TAGLN2: variants seen among roughly 807,000 people sequenced by gnomAD.
TAGLN2 encodes transgelin 2.
TAGLN2 carries 14 observed loss-of-function variants against 24.9 expected under a neutral mutation model. The observed-to-expected ratio is 0.56, with a 90% confidence interval of 0.37 to 0.88. The LOEUF is 0.88. Among genes scored for constraint, TAGLN2 ranks in the 40% least tolerant of loss-of-function variants. The pLI is 0.00. For synonymous variants in TAGLN2, 77 were observed against 98.2 expected (o/e 0.78, Z 1.28); for missense variants, 208 against 258.9 (o/e 0.80, Z 1.35).
At chr1:159,919,420 G>C (rs1650450513) in intron 3 of TAGLN2, 44 bp from the exon 4 acceptor site, 2 of 1,591,254 alleles carry the variant, frequency 1.3e-6, no homozygotes, top group African/African-American at 1.3e-5. Flanking sequence ...CAGTGTCCTA[G>C]ATACCAGGGT....
At chr1:159,918,967 G>A (rs766808289) in intron 4 of TAGLN2, 26 bp from the exon 5 acceptor site, 2 of 1,613,442 alleles carry the variant, frequency 1.2e-6, no homozygotes, top group Non-Finnish European at 1.7e-6. Context: ...GTGGTGGTTA[G>A]AGGAGATCAC....
intron 1 of TAGLN2, among the ~76,000 whole-genome samples, chr1:159,922,091 G>A (rs987596307): frequency 6.6e-6 from 1 of 152,168 alleles, no homozygotes; most frequent in African/African-American, 2.4e-5. Context: ...AGTCACTCCA[G>A]CTCCCCCTCT....
intron 1 of TAGLN2, 178 bp from the exon 2 acceptor site, chr1:159,920,715 T>C (rs1650503166): frequency 3.6e-6 from 3 of 841,278 alleles, no homozygotes; most frequent in African/African-American, 3.7e-5. Context: ...AAGAGAATGA[T>C]TTGGGGAGAG....
intron 2 of TAGLN2, 116 bp from the exon 3 acceptor site, chr1:159,919,951 G>A: frequency 4.3e-6 from 5 of 1,157,176 alleles, no homozygotes. Context: ...CTTGCCTGAA[G>A]ACAGCTTGGA....
In TAGLN2 at chr1:159,918,797, G is replaced by C; in HGVS notation, c.*3C>G. On this transcript the variant is annotated 3_prime_UTR_variant, in exon 5 of 5. Transcript: ENST00000368097. ...GAGGGCAGGGGCAAGGCCTGGGGTG[G>C]GATCAGAGGATCTGGCGTGGCATCC... 2 of 1,613,870 alleles carry C rather than the reference G, an allele frequency of 1.2e-6. No homozygotes were observed. The highest frequency in any genetic ancestry group is 1.7e-6 in the Non-Finnish European group (2 of 1,179,826).
At chr1:159,922,919 G>A (rs1209213513) in intron 1 of TAGLN2, among the ~76,000 whole-genome samples, 2 of 152,250 alleles carry the variant, frequency 1.3e-5, no homozygotes, top group Non-Finnish European at 2.9e-5. Context: ...CAGCTGGCAG[G>A]GTCACGGCCT....
chr1:159,919,145 G>C (rs1464433145), intron 4 of TAGLN2, 129 bp downstream of exon 4: 2 of 1,234,762 alleles, frequency 1.6e-6, no homozygotes, highest in African/African-American at 3.0e-5. Context: ...AGGATTAAGT[G>C]AGATGAGGAA....
chr1:159,920,379 C>T lies in TAGLN2; in HGVS notation c.131G>A (p.Arg44Gln), dbSNP rs141843460. The T allele has an allele frequency of 5.0e-6, 8 of 1,614,088 alleles. No homozygotes were observed. The highest frequency in any genetic ancestry group is 2.2e-5 in the East Asian group (1 of 44,894). The change falls in exon 2 of 5, where the codon CGG becomes CAG. Residue 44 changes from arginine (R) to glutamine (Q), a missense_variant. Physicochemically the swap from Arg to Gln is conservative, Grantham distance 43. Coordinates refer to ENST00000368097, the MANE Select transcript of TAGLN2 (RefSeq NM_003564.3). ...ITTQCRKDVG[R>Q]PQPGRENFQN... ...GAAGTTCTCGCGTCCAGGCTGGGGCCGGCCCACATCCTTTCGGCACTGGGT... is the reference window on the plus strand; with the variant it reads ...GAAGTTCTCGCGTCCAGGCTGGGGCTGGCCCACATCCTTTCGGCACTGGGT...
rs1243998441 is a variant in TAGLN2 at position 159,920,313 on chromosome 1, T to C, written c.180+17A>G. ...TGCTCTCCCTGCACTTCCAAGCCAG[T>C]GGGGCCCGGCTCTCACCGTGCCATC... is the stretch of plus-strand genomic sequence containing the variant. On this transcript the variant is annotated intron_variant, in intron 2 of 4. Transcript: ENST00000368097. 2 of 1,614,020 alleles carry C rather than the reference T, an allele frequency of 1.2e-6. No individual in the cohort carries two copies. The highest frequency in any genetic ancestry group is 2.7e-5 in the African/African-American group (2 of 74,920).
At chr1:159,921,250 G>A (rs1032842659) in intron 1 of TAGLN2, among the ~76,000 whole-genome samples, 4 of 152,180 alleles carry the variant, frequency 2.6e-5, no homozygotes, top group Non-Finnish European at 4.4e-5. Context: ...AAGGGACTTC[G>A]TAGATGTGAT....
chr1:159,923,753 A>C (rs1379445194), intron 1 of TAGLN2: 1 of 376,188 alleles, frequency 2.7e-6, no homozygotes, highest in Non-Finnish European at 4.8e-6. Context: ...GAGGCTACAC[A>C]AACAGGAAGC....
At chr1:159,925,367 CT>C (rs2101870404) in intron 1 of TAGLN2, 82 bp downstream of exon 1, 1 of 152,422 alleles carries the variant, frequency 6.6e-6, no homozygotes, top group South Asian at 2.1e-4. Context: ...CCCGAGCTCG[CT>C]GGAGCAAGTT....
chr1:159,923,566 G>A, intron 1 of TAGLN2: 1 of 1,313,950 alleles, frequency 7.6e-7, no homozygotes, highest in Non-Finnish European at 1.0e-6. Flanking sequence ...GAACACAGGA[G>A]AACTTCCCAA....
Position 159,918,936 on chromosome 1 carries a change from G to C in TAGLN2, c.464C>G (p.Ser155Cys), listed in dbSNP as rs1650433038. The change falls in exon 5 of 5, where the codon TCC becomes TGC. Residue 155 changes from serine (S) to cysteine (C), a missense_variant. Transcript: ENST00000368097. ...SGDPNWFPKKSKENPRNFSDN... is the reference protein window; with the variant it reads ...SGDPNWFPKKCKENPRNFSDN... The stretch of plus-strand genomic sequence containing the variant: ...CGAGAAGTTCCGAGGATTCTCCTTG[G>C]ATTTCCTGGGTGACAAGGGAGTGGT... The C allele has an allele frequency of 6.2e-7, 1 of 1,614,044 alleles. No homozygotes were observed. The highest frequency in any genetic ancestry group is 1.7e-5 in the Admixed American group (1 of 60,010).
rs1256878313 is a variant in TAGLN2, at chr1:159,919,659, A to G, written c.355+2T>C. On this transcript the variant is annotated splice_donor_variant, in intron 3 of 4. Transcript: ENST00000368097. LOFTEE classifies it high-confidence loss of function. ...AGGACCCAGCCCCTCGCCCTGTCCC[A>G]CCTTCCCAGAGGTCCACAGTTTGGA... 6.2e-7 allele frequency: 1 copy of G among 1,611,662 alleles called. No individual in the cohort carries two copies. The highest frequency in any genetic ancestry group is 1.3e-5 in the African/African-American group (1 of 74,858).
intron 1 of TAGLN2, among the ~76,000 whole-genome samples, chr1:159,923,053 T>A (rs1374542115): frequency 6.6e-6 from 1 of 152,220 alleles, no homozygotes; most frequent in Non-Finnish European, 1.5e-5. Context: ...AGCAGCTGTT[T>A]CTCTTCCCCA....
chr1:159,920,058 A>G (rs1379737867), intron 2 of TAGLN2: 4 of 753,744 alleles, frequency 5.3e-6, no homozygotes, highest in Non-Finnish European at 9.2e-6. Context: ...TTGCTAATAT[A>G]CCCTCCCACA....
chr1:159,919,498 T>C, intron 3 of TAGLN2, 122 bp from the exon 4 acceptor site: 4 of 1,321,660 alleles, frequency 3.0e-6, no homozygotes, highest in Non-Finnish European at 4.3e-6. Context: ...TCCATACCCT[T>C]CTCCATTCCA....
At chr1:159,923,495 G>A in intron 1 of TAGLN2, 1 of 1,547,788 alleles carries the variant, frequency 6.5e-7, no homozygotes, top group Non-Finnish European at 8.7e-7. Flanking sequence ...AGGACTTCAG[G>A]GTTCTTGGCT....
Sources: gnomAD v4.1 joint callset for allele counts (sites outside exome capture counted in the v4.1 genomes callset) on GRCh38, gnomAD v4.1.1 for gene constraint, MANE v1.5 for transcripts, NCBI Gene and HGNC (gene_info 2026-07-23, HGNC 2026-07-21) for gene names.